The following SNX29 variants were observed in gnomAD, a reference collection of about 807,000 sequenced individuals.
The protein encoded by SNX29 is sorting nexin 29, also known as sorting nexin-29.
Under a neutral mutation model 102.1 loss-of-function variants are expected in SNX29, and 78 were observed. The ratio of observed to expected loss-of-function variants is 0.76; its 90% CI spans 0.64 to 0.92. The LOEUF is 0.92. SNX29 is among the 40% of genes least tolerant of loss of function. SNX29 has a pLI of 0.00. For synonymous variants in SNX29, 580 were observed against 414.5 expected, an observed-to-expected ratio of 1.40 and a Z score of -4.85; for missense variants, 1,280 against 1,061.7, an observed-to-expected ratio of 1.21 and a Z score of -2.86.
chr16:12,120,077 C>A (rs918106402), intron 11 of SNX29, among the ~76,000 whole-genome samples: 3 of 151,934 alleles, frequency 2.0e-5, no homozygotes, highest in Admixed American at 2.0e-4. Context: ...AGAAACAGAA[C>A]GAAAAGTTAG....
chr16:12,515,505 C>CCA, intron 19 of SNX29: 1 of 488,262 alleles, frequency 2.0e-6, no homozygotes, highest in Non-Finnish European at 4.1e-6. Flanking sequence ...CCTTGCCTCC[C>CCA]CAGCCGCCAC....
chr16:12,249,435 C>T (rs1019176265), intron 14 of SNX29, among the ~76,000 whole-genome samples: 1 of 152,208 alleles, frequency 6.6e-6, no homozygotes. Flanking sequence ...TGCGAATACT[C>T]CACTGACCAG....
intron 20 of SNX29, among the ~76,000 whole-genome samples, chr16:12,532,315 T>C (rs1276169540): frequency 6.6e-6 from 1 of 152,238 alleles, no homozygotes; most frequent in Non-Finnish European, 1.5e-5. Flanking sequence ...CCAGACTCTG[T>C]AGCGTCATGA....
intron 10 of SNX29, among the ~76,000 whole-genome samples, chr16:12,069,908 G>C (rs1403523002): frequency 1.3e-5 from 2 of 151,736 alleles, no homozygotes; most frequent in African/African-American, 4.8e-5. Flanking sequence ...TCGATCTCCT[G>C]ACCTCGTGAT....
intron 14 of SNX29, among the ~76,000 whole-genome samples, chr16:12,218,834 G>A (rs112490424): frequency 0.044 from 6,661 of 151,994 alleles, 260 homozygotes; most frequent in East Asian, 0.17. Flanking sequence ...GAGTGCAGTG[G>A]CGCGACCTCG....
chr16:12,140,167 A>G (rs967512564), intron 13 of SNX29, among the ~76,000 whole-genome samples: 1 of 152,080 alleles, frequency 6.6e-6, no homozygotes, highest in African/African-American at 2.4e-5. Context: ...TATCACGCAT[A>G]TCATGCAGTC....
intron 18 of SNX29, among the ~76,000 whole-genome samples, chr16:12,451,212 T>C (rs972706045): frequency 6.6e-6 from 1 of 152,196 alleles, no homozygotes; most frequent in African/African-American, 2.4e-5. Context: ...ACCACATTCC[T>C]CTAAAGTACA....
chr16:12,367,098 T>G (rs957618988), intron 16 of SNX29: 4 of 152,278 alleles, frequency 2.6e-5, no homozygotes, highest in African/African-American at 9.6e-5. Flanking sequence ...AGTGGGCCAT[T>G]GCCTGCCTTC....
intron 18 of SNX29, 37 bp from the exon 19 acceptor site, chr16:12,477,682 G>C (rs575763826): frequency 6.2e-7 from 1 of 1,602,320 alleles, no homozygotes; most frequent in Non-Finnish European, 8.5e-7. Flanking sequence ...TTATAATAAG[G>C]GTTTAAGAGG....
chr16:12,363,667 T>C (rs965295963), intron 16 of SNX29, among the ~76,000 whole-genome samples: 17 of 152,204 alleles, frequency 1.1e-4, no homozygotes, highest in African/African-American at 2.2e-4. Flanking sequence ...TTCATTTTCA[T>C]AGGGCAGAGG....
intron 18 of SNX29, among the ~76,000 whole-genome samples, chr16:12,446,860 C>G (rs953845343): frequency 2.6e-5 from 4 of 151,870 alleles, no homozygotes; most frequent in African/African-American, 9.7e-5. Flanking sequence ...TTTCTAAGGG[C>G]AGGATTGACA....
At chr16:12,541,500 C>G (rs1337825774) in intron 20 of SNX29, among the ~76,000 whole-genome samples, 1 of 152,164 alleles carries the variant, frequency 6.6e-6, no homozygotes, top group Non-Finnish European at 1.5e-5. Context: ...CCTCTGTGAT[C>G]TGAGTCCCAA....
chr16:12,341,480 T>G (rs924899394), intron 15 of SNX29, among the ~76,000 whole-genome samples: 3 of 152,244 alleles, frequency 2.0e-5, no homozygotes, highest in African/African-American at 7.2e-5. Flanking sequence ...ATAGGATTGG[T>G]TCTGCCACAG....
intron 13 of SNX29, among the ~76,000 whole-genome samples, chr16:12,199,225 T>G (rs1450474452): frequency 2.6e-5 from 4 of 152,224 alleles, no homozygotes; most frequent in Non-Finnish European, 4.4e-5. Context: ...CCAGGGTGAA[T>G]GCACAGTAGT....
At chr16:12,006,995 G>A (rs1326466634) in intron 3 of SNX29, among the ~76,000 whole-genome samples, 2 of 152,120 alleles carry the variant, frequency 1.3e-5, no homozygotes, top group African/African-American at 4.8e-5. Context: ...GTTTTGGAAC[G>A]GCTAGAGTTC....
At chr16:12,484,979 A>G (rs989419449) in intron 19 of SNX29, among the ~76,000 whole-genome samples, 1 of 152,250 alleles carries the variant, frequency 6.6e-6, no homozygotes, top group Non-Finnish European at 1.5e-5. Context: ...TGACATACCA[A>G]GATACTCACG....
intron 13 of SNX29, among the ~76,000 whole-genome samples, chr16:12,148,725 C>G (rs1177588093): frequency 6.6e-6 from 1 of 152,056 alleles, no homozygotes; most frequent in Admixed American, 6.6e-5. Flanking sequence ...GAGGTGGCAT[C>G]TCGCTCTTGT....
At chr16:12,074,625 A>G (rs1668355257) in intron 10 of SNX29, among the ~76,000 whole-genome samples, 1 of 152,092 alleles carries the variant, frequency 6.6e-6, no homozygotes. Flanking sequence ...ACTTTGGTGA[A>G]TCTGACAATT....
At position 12,030,553 on chromosome 16, in the gene SNX29, G is replaced by A. The variant is rs773313931; in HGVS notation, c.247+3109G>A. On this transcript the variant is annotated intron_variant, in intron 4 of 20. Transcript: ENST00000566228. ...TCTCACATGGGTCCCTGAGCCACTCGCGGTTCCTCCATCCTCAGTGAATTC... is the reference window on the plus strand; with the variant it reads ...TCTCACATGGGTCCCTGAGCCACTCACGGTTCCTCCATCCTCAGTGAATTC... Among the ~76,000 whole-genome samples the A allele has an allele frequency of 7.9e-5, 12 of 152,126 alleles. No individual in the cohort carries two copies. The South Asian group carries it at 1.0e-3, about 13-fold the overall frequency.
Sources: allele counts gnomAD v4.1 joint callset (sites outside exome capture counted in the v4.1 genomes callset), GRCh38; gene constraint gnomAD v4.1.1; transcripts MANE v1.5; gene names NCBI Gene and HGNC (gene_info 2026-07-23, HGNC 2026-07-21).